The following FLNB variants were observed in gnomAD, a reference collection of about 807,000 sequenced individuals.
FLNB encodes the protein filamin B.
Under a neutral mutation model 250.6 loss-of-function variants are expected in FLNB, and 111 were observed. The ratio of observed to expected loss-of-function variants is 0.44; its 90% CI spans 0.38 to 0.52. The LOEUF is 0.52. FLNB is among the 20% of genes least tolerant of loss of function. FLNB has a pLI of 0.00. For synonymous variants in FLNB, 1,302 were observed against 1,372.1 expected, an observed-to-expected ratio of 0.95 and a Z score of 1.13; for missense variants, 2,869 against 3,447.8, an observed-to-expected ratio of 0.83 and a Z score of 4.20.
rs369807353 is a variant in FLNB at position 58,040,259 on chromosome 3, C to A, written c.292+31403C>A. On this transcript the variant is annotated intron_variant, in intron 1 of 45. Transcript: ENST00000295956. ...TAATAAGCAATACACCCTGACCCAGCGAGCCAAAGCAAACAGGACAGTAAC... is the reference window on the plus strand; with the variant it reads ...TAATAAGCAATACACCCTGACCCAGAGAGCCAAAGCAAACAGGACAGTAAC... Among the ~76,000 whole-genome samples, 23 of 152,324 alleles carry A rather than the reference C, an allele frequency of 1.5e-4. No homozygotes were observed. The South Asian group carries it at 4.8e-3, about 32-fold the overall frequency.
chr3:58,168,701 A>G (rs1350822962), intron 44 of FLNB, 43 bp downstream of exon 44: 1 of 1,411,754 alleles, frequency 7.1e-7, no homozygotes, highest in Non-Finnish European at 1.0e-6. Flanking sequence ...CTTCCTGGGG[A>G]GCTGGTTGTG....
intron 26 of FLNB, among the ~76,000 whole-genome samples, 185 bp downstream of exon 26, chr3:58,133,116 C>T (rs1471058023): frequency 1.3e-5 from 2 of 151,998 alleles, no homozygotes; most frequent in African/African-American, 4.8e-5. Context: ...TCCATTCTTT[C>T]ATCATTCCAT....
intron 42 of FLNB, among the ~76,000 whole-genome samples, chr3:58,161,214 G>A (rs1311400240): frequency 6.6e-6 from 1 of 152,138 alleles, no homozygotes; most frequent in Non-Finnish European, 1.5e-5. Flanking sequence ...ATCTATGGTG[G>A]CTATAGAGAG....
At chr3:58,148,879 C>G in intron 36 of FLNB, 27 bp downstream of exon 36, 1 of 1,599,086 alleles carries the variant, frequency 6.3e-7, no homozygotes. Context: ...GGGAGAGGCC[C>G]AGAGCTTGTG....
chr3:58,112,613 A>G (rs2097270731), intron 18 of FLNB, among the ~76,000 whole-genome samples: 1 of 152,232 alleles, frequency 6.6e-6, no homozygotes, highest in South Asian at 2.1e-4. Flanking sequence ...TTCAGGCCCT[A>G]ATATCTATCT....
rs2097120606 is a variant in FLNB, at chr3:58,024,726, T to TTTTTTTTTTTTTTTTC, written c.292+15872_292+15873insTTTTTTTTTTTTTCTT. 1.9e-5 allele frequency among the ~76,000 whole-genome samples: 2 copies of TTTTTTTTTTTTTTTTC among 103,922 alleles called. 1 individual carries two copies. The allele number at this position is 103,922 out of a possible 152,430, so 68.2% of individuals were successfully genotyped here. A position where few individuals can be genotyped will look rare whatever the true frequency, so the allele number is the denominator to read the frequency against. Reference sequence around the variant, plus strand: ...CTTTTTTTTTTTTTTTTTTTTTTTTTTTAACCTTGAGACAGTCTTGCTTTG... The same window carrying TTTTTTTTTTTTTTTTC: ...CTTTTTTTTTTTTTTTTTTTTTTTTTTTTTTTTTTTTTTTTCTTAACCTTGAGACAGTCTTGCTTTG... On this transcript the variant is annotated intron_variant, in intron 1 of 45. Coordinates refer to ENST00000295956, the MANE Select transcript of FLNB (RefSeq NM_001457.4).
At chr3:58,160,376 C>T (rs76944895) in intron 42 of FLNB, among the ~76,000 whole-genome samples, 3,454 of 152,112 alleles carry the variant, frequency 0.023, 134 homozygotes, top group African/African-American at 0.076. Context: ...ACAGTGTTAC[C>T]GGTGAACATA....
chr3:58,124,503 A>T lies in FLNB; in HGVS notation c.3896A>T (p.Lys1299Ile). The T allele has an allele frequency of 3.7e-6, 6 of 1,614,136 alleles. No homozygotes were observed. Among genetic ancestry groups the T allele is most frequent in the Non-Finnish European group, 5.1e-6 (6 of 1,180,018 alleles). Reference protein sequence around the residue: ...TYQVEYTPFEKGLHVVEVTYD... With the variant: ...TYQVEYTPFEIGLHVVEVTYD... Reference sequence around the variant, plus strand: ...CAGGTGGAATACACACCCTTTGAGAAAGGTGAGCCGCCCTGTCCTCGGACT... The same window carrying T: ...CAGGTGGAATACACACCCTTTGAGATAGGTGAGCCGCCCTGTCCTCGGACT... Residue 1299 changes from lysine to isoleucine, a missense_variant and splice_region_variant, in exon 22 of 46, where the codon AAA becomes ATA. Transcript: ENST00000295956.
chr3:58,146,074 A>G, intron 33 of FLNB, 25 bp downstream of exon 33: 1 of 1,613,970 alleles, frequency 6.2e-7, no homozygotes, highest in Non-Finnish European at 8.5e-7. Flanking sequence ...ACGTGTTTAT[A>G]CGCCTCCAGC....
chr3:58,013,005 AT>A (rs1189447800), intron 1 of FLNB, among the ~76,000 whole-genome samples: 1 of 152,248 alleles, frequency 6.6e-6, no homozygotes, highest in African/African-American at 2.4e-5. Flanking sequence ...CCTAGGCGCC[AT>A]CCAAAAGTTG....
Position 58,132,516 on chromosome 3 carries a change from T to TAA in FLNB, c.4391-291_4391-290insAA, listed in dbSNP as rs142030228. On this transcript the variant is annotated intron_variant, in intron 25 of 45. Coordinates refer to ENST00000295956, the MANE Select transcript of FLNB (RefSeq NM_001457.4). Reference sequence around the variant, plus strand: ...GTGTCTTCAACACACATCATCCACATACACCCTCCAGCAGCAAGCACAGGC... The same window carrying TAA: ...GTGTCTTCAACACACATCATCCACATAAACACCCTCCAGCAGCAAGCACAGGC... 0.011 allele frequency: 5,429 copies of TAA among 501,728 alleles called. 245 individuals carry two copies. Among genetic ancestry groups the TAA allele is most frequent in the African/African-American group, 0.096 (4,930 of 51,522 alleles). 31.1% of individuals were successfully genotyped at this position (501,728 alleles called of 1,614,324 possible). A position where few individuals can be genotyped will look rare whatever the true frequency, so the allele number is the denominator to read the frequency against.
intron 1 of FLNB, among the ~76,000 whole-genome samples, chr3:58,011,474 G>T (rs1380779298): frequency 6.6e-6 from 1 of 152,200 alleles, no homozygotes; most frequent in Non-Finnish European, 1.5e-5. Flanking sequence ...TCTCCCGAGA[G>T]ATCTTGCAAC....
intron 41 of FLNB, among the ~76,000 whole-genome samples, chr3:58,158,518 G>A (rs2097356613): frequency 6.6e-6 from 1 of 152,208 alleles, no homozygotes; most frequent in Non-Finnish European, 1.5e-5. Flanking sequence ...ATTTTAATAA[G>A]ATCCCCAGAT....
intron 1 of FLNB, among the ~76,000 whole-genome samples, chr3:58,063,150 C>T (rs767393488): frequency 7.9e-5 from 12 of 152,162 alleles, no homozygotes; most frequent in African/African-American, 1.9e-4. Context: ...GCTTCTCTGA[C>T]GCCCCAGCAG....
chr3:58,012,679 C>G (rs547753192), intron 1 of FLNB, among the ~76,000 whole-genome samples: 1 of 152,222 alleles, frequency 6.6e-6, no homozygotes, highest in African/African-American at 2.4e-5. Flanking sequence ...GAGAGTCAGC[C>G]GGGAATTAAG....
intron 22 of FLNB, among the ~76,000 whole-genome samples, chr3:58,124,860 A>AG (rs2097295080): frequency 6.6e-6 from 1 of 151,848 alleles, no homozygotes. Flanking sequence ...AAAGAAAAAA[A>AG]AGTGCCATGT....
chr3:58,040,081 G>T (rs2097143902), intron 1 of FLNB, among the ~76,000 whole-genome samples: 1 of 152,178 alleles, frequency 6.6e-6, no homozygotes, highest in African/African-American at 2.4e-5. Context: ...GGAGGCAGAG[G>T]TTGCAGTGAG....
chr3:58,104,183 C>A, intron 10 of FLNB, 98 bp downstream of exon 10: 7 of 1,206,398 alleles, frequency 5.8e-6, no homozygotes, highest in Non-Finnish European at 8.2e-6. Flanking sequence ...GGAAAGAGAT[C>A]TGCTTTGTTG....
In FLNB at chr3:58,170,565, T is replaced by C. The variant is rs550698004; in HGVS notation, c.7622-10T>C. On this transcript the variant is annotated splice_polypyrimidine_tract_variant and intron_variant, in intron 45 of 45. Transcript: ENST00000295956. Reference sequence around the variant, plus strand: ...GCATCCGGGTGGAGTAACCACCTTTTGCCTCCTAGGCTCCAACATGCTGCT... The same window carrying C: ...GCATCCGGGTGGAGTAACCACCTTTCGCCTCCTAGGCTCCAACATGCTGCT... 6.2e-6 allele frequency: 10 copies of C among 1,614,004 alleles called. No individual in the cohort carries two copies. The African/African-American group carries it at 1.2e-4, about 19-fold the overall frequency.
Sources: allele counts gnomAD v4.1 joint callset (sites outside exome capture counted in the v4.1 genomes callset), GRCh38; gene constraint gnomAD v4.1.1; transcripts MANE v1.5; gene names NCBI Gene and HGNC (gene_info 2026-07-23, HGNC 2026-07-21).